PARD3B: variants seen among roughly 807,000 people sequenced by gnomAD.
The protein encoded by PARD3B is par-3 family cell polarity regulator beta, also known as partitioning defective 3 homolog B.
A neutral mutation model predicts 130.2 loss-of-function variants in PARD3B; 103 were observed. The observed-to-expected ratio is 0.79, with a 90% CI of 0.67 to 0.93. PARD3B has a LOEUF of 0.93. Among genes scored for constraint, PARD3B ranks in the 40% least tolerant of loss-of-function variants. The probability of loss-of-function intolerance (pLI) is 0.00; values close to 1 mark genes in which losing one functional copy is unlikely to be tolerated. For missense variants in PARD3B, 1,609 were observed against 1,499.2 expected, an observed-to-expected ratio of 1.07 and a Z score of -1.21; for synonymous variants, 583 against 553.2, an observed-to-expected ratio of 1.05 and a Z score of -0.76.
intron 3 of PARD3B, among the ~76,000 whole-genome samples, chr2:204,980,703 C>T (rs6705581): frequency 0.26 from 39,028 of 152,046 alleles, 5,362 homozygotes; most frequent in Admixed American, 0.4. Flanking sequence ...CAAACAAGCC[C>T]AAATTGAGGA....
Position 205,122,423 on chromosome 2 carries a change from A to G in PARD3B, c.1165+474A>G, listed in dbSNP as rs1300703239. ...ATTTCTCTGATTCAACGTCACAAAC[A>G]TTTAAAACATACCTAATTTCAAAAG... is the stretch of plus-strand genomic sequence containing the variant. On this transcript the variant is annotated intron_variant, in intron 8 of 22. Transcript: ENST00000406610. The surrounding 1 kb of genome is among the most constrained non-coding windows in gnomAD (Gnocchi z 4.3). Among the ~76,000 whole-genome samples, 1 of 152,242 alleles carries G rather than the reference A, an allele frequency of 6.6e-6. No homozygotes were observed. The highest frequency in any genetic ancestry group is 1.5e-5 in the Non-Finnish European group (1 of 68,044).
intron 15 of PARD3B, among the ~76,000 whole-genome samples, chr2:205,205,075 C>T (rs1054072909): frequency 9.9e-5 from 15 of 152,104 alleles, no homozygotes; most frequent in African/African-American, 3.4e-4. Context: ...TTCTTCCTAT[C>T]CCTAAGCATG....
chr2:205,237,815 C>G (rs1383755373), intron 15 of PARD3B, among the ~76,000 whole-genome samples: 1 of 152,106 alleles, frequency 6.6e-6, no homozygotes, highest in Non-Finnish European at 1.5e-5. Context: ...GTTCATTACT[C>G]AAAATACAAG....
intron 3 of PARD3B, among the ~76,000 whole-genome samples, chr2:205,042,030 A>T (rs1698428367): frequency 6.6e-6 from 1 of 152,150 alleles, no homozygotes; most frequent in African/African-American, 2.4e-5. Context: ...AGAGACAGAA[A>T]CTTATAGAGG....
In PARD3B at chr2:204,689,173, A is replaced by C. The variant is rs2037240257; in HGVS notation, c.222+2891A>C. 6.6e-6 allele frequency among the ~76,000 whole-genome samples: 1 copy of C among 152,188 alleles called. No individual in the cohort carries two copies. The highest frequency in any genetic ancestry group is 2.4e-5 in the African/African-American group (1 of 41,456). On this transcript the variant is annotated intron_variant, in intron 2 of 22. Coordinates refer to ENST00000406610, the MANE Select transcript of PARD3B (RefSeq NM_001302769.2). The surrounding 1 kb of genome is among the most constrained non-coding windows in gnomAD (Gnocchi z 5.2). ...CTAACAAAGTTCAGCCAGTGTTCTT[A>C]AGAAATGACTTTTAAAACTTGTGCC...
chr2:205,363,864 G>A (rs891720809), intron 18 of PARD3B, among the ~76,000 whole-genome samples: 10 of 78,958 alleles, frequency 1.3e-4, no homozygotes, highest in Admixed American at 3.2e-4. Flanking sequence ...TTTTTTTTTC[G>A]CCATGTTGGC....
chr2:205,060,684 G>T (rs1003396387), intron 4 of PARD3B, among the ~76,000 whole-genome samples: 5 of 151,966 alleles, frequency 3.3e-5, no homozygotes, highest in Non-Finnish European at 7.4e-5. Flanking sequence ...TGATAATAAT[G>T]AATGTTGATA....
intron 6 of PARD3B, 56 bp from the exon 7 acceptor site, chr2:205,118,865 A>G: frequency 4.9e-6 from 6 of 1,221,970 alleles, no homozygotes; most frequent in Non-Finnish European, 6.8e-6. Context: ...GCAAGTGGAG[A>G]AATAATTAGC....
At chr2:205,096,326 A>G (rs920244375) in intron 4 of PARD3B, among the ~76,000 whole-genome samples, 4 of 152,166 alleles carry the variant, frequency 2.6e-5, no homozygotes, top group African/African-American at 9.7e-5. Context: ...TGATGAACTT[A>G]TATTAGAATC....
chr2:205,151,119 T>A (rs1469219839), intron 10 of PARD3B, among the ~76,000 whole-genome samples: 1 of 152,152 alleles, frequency 6.6e-6, no homozygotes, highest in East Asian at 1.9e-4. Context: ...CATAAATATA[T>A]ATAATTTTGT....
chr2:205,529,895 C>T (rs1431017593), intron 21 of PARD3B, among the ~76,000 whole-genome samples: 3 of 152,154 alleles, frequency 2.0e-5, no homozygotes, highest in Non-Finnish European at 4.4e-5. Flanking sequence ...AGCTCACTGA[C>T]AGGTCCATGC....
At chr2:205,114,320 A>G (rs1703869950) in intron 6 of PARD3B, among the ~76,000 whole-genome samples, 1 of 152,150 alleles carries the variant, frequency 6.6e-6, no homozygotes, top group Non-Finnish European at 1.5e-5. Context: ...AACTTGTTTT[A>G]GATATTATGT....
Position 205,463,222 on chromosome 2 carries a change from TCTTC to T in PARD3B, c.3044+22554_3044+22557del, listed in dbSNP as rs1387791935. On this transcript the variant is annotated intron_variant, in intron 20 of 22. Transcript: ENST00000406610. This position sits in a 1 kb window ranked among gnomAD's most constrained non-coding sequence, Gnocchi z 4.8. ...ATATCTTGGCAATGACATTGCTTAG[TCTTC>T]CTTACACATAAGGAGAGTTTGAACA... Among the ~76,000 whole-genome samples the T allele has an allele frequency of 6.6e-6, 1 of 152,176 alleles. No homozygotes were observed. The highest frequency in any genetic ancestry group is 2.4e-5 in the African/African-American group (1 of 41,446).
chr2:205,534,398 G>A (rs2106439635), intron 21 of PARD3B, among the ~76,000 whole-genome samples: 1 of 152,264 alleles, frequency 6.6e-6, no homozygotes, highest in South Asian at 2.1e-4. Context: ...AGGAGAGTGA[G>A]TGAGAAGGAG....
At chr2:204,988,483 A>G (rs1425660807) in intron 3 of PARD3B, among the ~76,000 whole-genome samples, 1 of 152,192 alleles carries the variant, frequency 6.6e-6, no homozygotes, top group Non-Finnish European at 1.5e-5. Context: ...CAAAATAACT[A>G]AAAGATTGTA....
chr2:205,522,316 C>G (rs1022650644), intron 21 of PARD3B, among the ~76,000 whole-genome samples: 3 of 149,872 alleles, frequency 2.0e-5, no homozygotes, highest in Non-Finnish European at 4.4e-5. Flanking sequence ...ATATTAAAGA[C>G]TTTATTTTTC....
In PARD3B at chr2:205,258,508, G is replaced by C. The variant is rs78465660; in HGVS notation, c.2185+12686G>C. 1.8e-3 allele frequency among the ~76,000 whole-genome samples: 277 copies of C among 152,300 alleles called. 3 individuals carry two copies. The highest frequency in any genetic ancestry group is 2.7e-3 in the Non-Finnish European group (185 of 68,028). On this transcript the variant is annotated intron_variant, in intron 16 of 22. Transcript: ENST00000406610. The surrounding 1 kb of genome is among the most constrained non-coding windows in gnomAD (Gnocchi z 4.9). ...CTTATAGAGCTAATCACAGTCTGTA[G>C]TAAATGTGTGTGCATTTATTGATGT...
chr2:205,523,815 CT>C (rs11307073), intron 21 of PARD3B, among the ~76,000 whole-genome samples: 37,865 of 121,334 alleles, frequency 0.31, 4,429 homozygotes, highest in East Asian at 0.42. Context: ...CTCTGATAAC[CT>C]TTTTTTTTTT....
In PARD3B at chr2:205,122,356, C is replaced by T. The variant is rs992445346; in HGVS notation, c.1165+407C>T. ...TTTTTCTAAGACAGTCTTCTAACAA[C>T]AAAAATTTACTCCTCAGAAAGCAAA... is the stretch of plus-strand genomic sequence containing the variant. On this transcript the variant is annotated intron_variant, in intron 8 of 22. Coordinates refer to ENST00000406610, the MANE Select transcript of PARD3B (RefSeq NM_001302769.2). This position sits in a 1 kb window ranked among gnomAD's most constrained non-coding sequence, Gnocchi z 4.3. Among the ~76,000 whole-genome samples, 9 of 152,154 alleles carry T rather than the reference C, an allele frequency of 5.9e-5. No individual in the cohort carries two copies. Among genetic ancestry groups the T allele is most frequent in the African/African-American group, 1.9e-4 (8 of 41,434 alleles).
Sources: gnomAD v4.1 joint callset for allele counts (sites outside exome capture counted in the v4.1 genomes callset) on GRCh38, gnomAD v4.1.1 for gene constraint, Gnocchi (gnomAD v3.1) non-coding constraint, MANE v1.5 for transcripts, NCBI Gene and HGNC (gene_info 2026-07-23, HGNC 2026-07-21) for gene names.